Variants in MBP observed in about 807,000 individuals in gnomAD.
The protein encoded by MBP is myelin basic protein, also known as Golli-MBP.
In MBP, 16 loss-of-function variants were observed where a neutral mutation model predicts 35.8. The ratio of observed to expected loss-of-function variants is 0.45; its 90% CI spans 0.30 to 0.68. The LOEUF is 0.68. Ranked by LOEUF, MBP falls within the 30% of genes least tolerant of loss-of-function variation. MBP has a pLI of 0.08. For missense variants in MBP, 380 were observed against 404.7 expected (o/e 0.94, Z 0.52); for synonymous variants, 143 against 159.6 (o/e 0.90, Z 0.78).
intron 8 of MBP, 75 bp from the exon 9 acceptor site, chr18:76,980,546 TCC>T: frequency 8.6e-7 from 1 of 1,167,652 alleles, no homozygotes. Context: ...TCTTCTGTGG[TCC>T]CGGGTGGATG....
chr18:77,130,373 C>T (rs1216298995), intron 1 of MBP, among the ~76,000 whole-genome samples: 1 of 145,886 alleles, frequency 6.9e-6, no homozygotes, highest in Non-Finnish European at 1.5e-5. Flanking sequence ...AACTTAACCT[C>T]TCTGGGCCTT....
chr18:77,016,546 G>T (rs1035614694), intron 4 of MBP: 15 of 1,285,234 alleles, frequency 1.2e-5, no homozygotes, highest in Non-Finnish European at 1.4e-5. Context: ...CAACGCCCAT[G>T]TCCAGGCACC....
intron 2 of MBP, among the ~76,000 whole-genome samples, chr18:77,077,093 G>A (rs1045009325): frequency 2.6e-5 from 4 of 152,156 alleles, no homozygotes; most frequent in East Asian, 1.9e-4. Context: ...AGGTGTGGTG[G>A]CTCATACCTG....
intron 3 of MBP, among the ~76,000 whole-genome samples, chr18:77,054,688 A>G (rs929661391): frequency 6.6e-6 from 1 of 152,192 alleles, no homozygotes; most frequent in Admixed American, 6.5e-5. Flanking sequence ...AGTGCTCCTC[A>G]TTTTGTACCT....
chr18:77,057,515 G>T (rs1355540262), intron 3 of MBP, among the ~76,000 whole-genome samples: 1 of 152,150 alleles, frequency 6.6e-6, no homozygotes, highest in African/African-American at 2.4e-5. Context: ...ATATTCCCAC[G>T]GAAAGGCCGT....
chr18:77,118,684 C>A (rs1197378583), intron 1 of MBP, among the ~76,000 whole-genome samples: 2 of 144,176 alleles, frequency 1.4e-5, no homozygotes, highest in Non-Finnish European at 3.1e-5. Flanking sequence ...ACACACACAC[C>A]ACACACACAC....
chr18:77,048,320 T>C (rs368481399), intron 3 of MBP, among the ~76,000 whole-genome samples: 4 of 152,222 alleles, frequency 2.6e-5, no homozygotes, highest in African/African-American at 9.6e-5. Flanking sequence ...GGAAACTGTT[T>C]CTTTTATGAT....
At chr18:77,018,214 C>T (rs567166453) in intron 3 of MBP, among the ~76,000 whole-genome samples, 63 of 146,254 alleles carry the variant, frequency 4.3e-4, no homozygotes, top group Middle Eastern at 3.9e-3. Flanking sequence ...TCCATGCATC[C>T]ATCCATCCCC....
chr18:77,056,102 G>A (rs1433595485), intron 3 of MBP, among the ~76,000 whole-genome samples: 3 of 152,214 alleles, frequency 2.0e-5, no homozygotes, highest in Non-Finnish European at 1.5e-5. Flanking sequence ...CAGTGAGGCC[G>A]CTGGCAGTGC....
chr18:77,021,137 G>T (rs1010991661), intron 3 of MBP, among the ~76,000 whole-genome samples: 1 of 152,198 alleles, frequency 6.6e-6, no homozygotes, highest in African/African-American at 2.4e-5. Context: ...AGATGAAGCC[G>T]TAGGAGCAGC....
In MBP at chr18:76,979,335, C is replaced by T. The variant is rs1339946255; in HGVS notation, c.*1092G>A. The stretch of plus-strand genomic sequence containing the variant: ...GGCCGTCTGCTCAGCCCGTGTGTCT[C>T]GGTGAGTAATTCGGGAGCAGGTGCA... On this transcript the variant is annotated 3_prime_UTR_variant, in exon 9 of 9. Coordinates refer to ENST00000355994, the MANE Select transcript of MBP (RefSeq NM_001025101.2). 3.3e-5 allele frequency: 5 copies of T among 152,344 alleles called. No individual in the cohort carries two copies. The highest frequency in any genetic ancestry group is 7.3e-5 in the Non-Finnish European group (5 of 68,230). The allele number at this position is 152,344 out of a possible 1,614,324, so 9.4% of individuals were successfully genotyped here.
chr18:76,988,818 G>C lies in MBP; in HGVS notation c.717+59C>G. Reference sequence around the variant, plus strand: ...TAACTCTCTCTTTGGTACATTATGGGATTTTAGAGAAGGTCTATCAGAAAA... The same window carrying C: ...TAACTCTCTCTTTGGTACATTATGGCATTTTAGAGAAGGTCTATCAGAAAA... On this transcript the variant is annotated intron_variant, in intron 6 of 8. Transcript: ENST00000355994. The surrounding 1 kb of genome is among the most constrained non-coding windows in gnomAD (Gnocchi z 5.2). 1 of 1,547,974 alleles carries C rather than the reference G, an allele frequency of 6.5e-7. No homozygotes were observed. The highest frequency in any genetic ancestry group is 8.8e-7 in the Non-Finnish European group (1 of 1,131,986).
chr18:77,098,171 T>TTG (rs1354160467), intron 2 of MBP, among the ~76,000 whole-genome samples: 1 of 140,748 alleles, frequency 7.1e-6, no homozygotes, highest in Non-Finnish European at 1.5e-5. Flanking sequence ...GGACTTCCTT[T>TTG]TTTTTTTTTT....
intron 2 of MBP, among the ~76,000 whole-genome samples, chr18:77,084,774 G>T (rs1325738542): frequency 6.6e-6 from 1 of 152,132 alleles, no homozygotes; most frequent in Non-Finnish European, 1.5e-5. Flanking sequence ...CTGTCTTCTA[G>T]AAATTACAGC....
At chr18:77,092,230 C>A (rs1304301231) in intron 2 of MBP, among the ~76,000 whole-genome samples, 4 of 152,242 alleles carry the variant, frequency 2.6e-5, no homozygotes, top group African/African-American at 9.6e-5. Flanking sequence ...GGCCCAGGGC[C>A]GCGGCCAGCG....
intron 3 of MBP, among the ~76,000 whole-genome samples, chr18:77,027,954 G>A (rs1013372865): frequency 1.3e-5 from 2 of 151,788 alleles, no homozygotes; most frequent in Non-Finnish European, 2.9e-5. Context: ...TTCCCAAGTA[G>A]CTGGCATGAG....
At chr18:77,086,576 T>G (rs1465909968) in intron 2 of MBP, among the ~76,000 whole-genome samples, 1 of 152,198 alleles carries the variant, frequency 6.6e-6, no homozygotes, top group African/African-American at 2.4e-5. Context: ...ACACAACTAA[T>G]CTATCCAGGA....
chr18:77,105,780 C>T (rs909832065), intron 1 of MBP, among the ~76,000 whole-genome samples: 1 of 152,172 alleles, frequency 6.6e-6, no homozygotes, highest in African/African-American at 2.4e-5. Context: ...CAGAAAGAGC[C>T]AACATTAGAC....
chr18:77,129,224 A>G (rs1977158472), intron 1 of MBP, among the ~76,000 whole-genome samples: 1 of 152,240 alleles, frequency 6.6e-6, no homozygotes, highest in African/African-American at 2.4e-5. Context: ...ATGGTGACTC[A>G]GACCAACGCA....
Sources: allele counts gnomAD v4.1 joint callset (sites outside exome capture counted in the v4.1 genomes callset), GRCh38; gene constraint gnomAD v4.1.1; non-coding constraint Gnocchi (gnomAD v3.1); transcripts MANE v1.5; gene names NCBI Gene and HGNC (gene_info 2026-07-23, HGNC 2026-07-21).